Variants in PHLDB2 observed in about 807,000 individuals in gnomAD.
PHLDB2 encodes the protein pleckstrin homology-like domain family B member 2.
A neutral mutation model predicts 123.6 loss-of-function variants in PHLDB2; 71 were observed. The observed-to-expected ratio is 0.57, with a 90% CI of 0.47 to 0.70. The LOEUF (loss-of-function observed/expected upper bound fraction) is 0.70. PHLDB2 is among the 30% of genes least tolerant of loss of function. The pLI is 0.00. For synonymous variants in PHLDB2, 547 were observed against 541.6 expected, an observed-to-expected ratio of 1.01 and a Z score of -0.14; for missense variants, 1,446 against 1,519.5, an observed-to-expected ratio of 0.95 and a Z score of 0.80.
chr3:111,836,417 CAG>C (rs1210934046), intron 1 of PHLDB2, among the ~76,000 whole-genome samples: 2 of 152,104 alleles, frequency 1.3e-5, no homozygotes, highest in Non-Finnish European at 1.5e-5. Context: ...TGAGATTCTA[CAG>C]AGATATGTTA....
chr3:111,846,216 T>C, intron 2 of PHLDB2: 3 of 323,752 alleles, frequency 9.3e-6, no homozygotes, highest in South Asian at 8.4e-5. Flanking sequence ...TCTTTCCCAG[T>C]GACTCATCAG....
At chr3:111,827,356 A>G (rs2108445903) in intron 1 of PHLDB2, among the ~76,000 whole-genome samples, 1 of 152,282 alleles carries the variant, frequency 6.6e-6, no homozygotes, top group South Asian at 2.1e-4. Flanking sequence ...CCTTCTGGCC[A>G]AATCCCACTC....
chr3:111,820,915 T>A (rs189291692), intron 1 of PHLDB2, among the ~76,000 whole-genome samples: 151 of 152,322 alleles, frequency 9.9e-4, no homozygotes, highest in African/African-American at 3.6e-3. Context: ...TAGCAGCATA[T>A]CACTAGAACA....
intron 16 of PHLDB2, among the ~76,000 whole-genome samples, chr3:111,972,251 G>A (rs1237307125): frequency 6.6e-6 from 1 of 152,074 alleles, no homozygotes; most frequent in Non-Finnish European, 1.5e-5. Context: ...CGCAGAAACT[G>A]ACTGAAACTT....
intron 1 of PHLDB2, among the ~76,000 whole-genome samples, chr3:111,883,036 G>T (rs1270628565): frequency 6.6e-6 from 1 of 152,168 alleles, no homozygotes; most frequent in East Asian, 1.9e-4. Flanking sequence ...TGTCTGATGT[G>T]CCTAAGGGTT....
At chr3:111,789,081 C>T (rs1184900310) in intron 1 of PHLDB2, among the ~76,000 whole-genome samples, 1 of 152,198 alleles carries the variant, frequency 6.6e-6, no homozygotes, top group Non-Finnish European at 1.5e-5. Flanking sequence ...CATCAAATCC[C>T]TGAGTTTTAC....
At chr3:111,777,047 G>A (rs2060278454) in intron 1 of PHLDB2, among the ~76,000 whole-genome samples, 1 of 136,860 alleles carries the variant, frequency 7.3e-6, no homozygotes, top group Non-Finnish European at 1.5e-5. Context: ...CCAGTTACAG[G>A]CAATGACACA....
chr3:111,899,951 CT>C (rs2067094791), intron 2 of PHLDB2, among the ~76,000 whole-genome samples: 1 of 152,214 alleles, frequency 6.6e-6, no homozygotes, highest in South Asian at 2.1e-4. Context: ...TATCTTAGAT[CT>C]TTCCAATTGA....
At chr3:111,807,958 T>TG (rs1433454655) in intron 1 of PHLDB2, among the ~76,000 whole-genome samples, 1 of 151,588 alleles carries the variant, frequency 6.6e-6, no homozygotes, top group Admixed American at 6.6e-5. Flanking sequence ...TTTTTTTTTT[T>TG]TTTTTTGCCT....
intron 1 of PHLDB2, among the ~76,000 whole-genome samples, chr3:111,753,750 T>C (rs28786762): frequency 5.3e-5 from 8 of 152,118 alleles, no homozygotes; most frequent in South Asian, 2.1e-4. Flanking sequence ...ATGGTAATGC[T>C]TAGGTTTTCT....
chr3:111,866,930 G>GGTGTGTGTGTGTGT (rs3082321), intron 1 of PHLDB2, among the ~76,000 whole-genome samples: 2,913 of 125,960 alleles, frequency 0.023, 58 homozygotes, highest in East Asian at 0.041. Flanking sequence ...GTTTCTAAGG[G>GGTGTGTGTGTGTGT]GTGTGTGTGT....
chr3:111,753,458 T>A (rs2059822258), intron 1 of PHLDB2, among the ~76,000 whole-genome samples: 2 of 148,882 alleles, frequency 1.3e-5, no homozygotes, highest in Non-Finnish European at 3.0e-5. Context: ...TTTTGAGAAG[T>A]GTCTGTTCAT....
At chr3:111,785,952 A>G (rs1395334892) in intron 1 of PHLDB2, among the ~76,000 whole-genome samples, 3 of 152,190 alleles carry the variant, frequency 2.0e-5, no homozygotes, top group African/African-American at 7.2e-5. Context: ...AATGTGGTAG[A>G]TTCATTCTGT....
At chr3:111,906,254 T>G (rs2067525799) in intron 2 of PHLDB2, among the ~76,000 whole-genome samples, 1 of 152,256 alleles carries the variant, frequency 6.6e-6, no homozygotes, top group Non-Finnish European at 1.5e-5. Flanking sequence ...CTTGCATTTC[T>G]TAGAACATAT....
At chr3:111,826,496 C>A (rs13088244) in intron 1 of PHLDB2, among the ~76,000 whole-genome samples, 82 of 152,184 alleles carry the variant, frequency 5.4e-4, no homozygotes, top group Admixed American at 2.2e-3. Flanking sequence ...TTCTTAGGTA[C>A]GTGGGCAATC....
chr3:111,733,891 A>G (rs1300946919), intron 1 of PHLDB2, among the ~76,000 whole-genome samples: 2 of 152,164 alleles, frequency 1.3e-5, no homozygotes, highest in African/African-American at 4.8e-5. Flanking sequence ...GAAGCCTAGT[A>G]ATGCTGAAGT....
chr3:111,857,460 A>AAAG (rs1559870495), upstream of PHLDB2, among the ~76,000 whole-genome samples: 5 of 81,026 alleles, frequency 6.2e-5, no homozygotes, highest in Non-Finnish European at 8.2e-5. Context: ...CAAAAAAAAA[A>AAAG]AAAAGAAAAG....
At chr3:111,817,778 T>C (rs2062161001) in intron 1 of PHLDB2, among the ~76,000 whole-genome samples, 1 of 152,130 alleles carries the variant, frequency 6.6e-6, no homozygotes, top group Non-Finnish European at 1.5e-5. Flanking sequence ...AACACACTAA[T>C]AATACCACAG....
intron 1 of PHLDB2, among the ~76,000 whole-genome samples, chr3:111,861,662 A>G (rs1289078556): frequency 1.3e-5 from 2 of 152,144 alleles, no homozygotes; most frequent in African/African-American, 4.8e-5. Context: ...AAAGGGGAGG[A>G]AAAGATACTT....
Sources: allele counts gnomAD v4.1 joint callset (sites outside exome capture counted in the v4.1 genomes callset), GRCh38; gene constraint gnomAD v4.1.1; transcripts MANE v1.5; gene names NCBI Gene and HGNC (gene_info 2026-07-23, HGNC 2026-07-21).